The following SUPV3L1 variants were observed in gnomAD, a reference collection of about 807,000 sequenced individuals.
SUPV3L1 encodes ATP-dependent RNA helicase SUPV3L1, mitochondrial.
Under a neutral mutation model 70.0 loss-of-function variants are expected in SUPV3L1, and 35 were observed. That is an observed-to-expected ratio of 0.50 (90% confidence interval 0.38 to 0.66). SUPV3L1 has a LOEUF of 0.66. SUPV3L1 is among the 30% of genes least tolerant of loss of function. The pLI, the probability that SUPV3L1 is intolerant of heterozygous loss-of-function variation, is 0.00. For missense variants in SUPV3L1, 777 were observed against 961.5 expected (o/e 0.81, Z 2.54); for synonymous variants, 364 against 341.9 (o/e 1.06, Z -0.71).
At chr10:69,200,036 G>T (rs796967541) in intron 10 of SUPV3L1, among the ~76,000 whole-genome samples, 1 of 151,398 alleles carries the variant, frequency 6.6e-6, no homozygotes, top group African/African-American at 2.4e-5. Context: ...GTAGAGACTT[G>T]GGTCTTGCTA....
chr10:69,195,398 T>A, intron 7 of SUPV3L1, 133 bp downstream of exon 7: 1 of 457,362 alleles, frequency 2.2e-6, no homozygotes, highest in Non-Finnish European at 3.8e-6. Context: ...GTAAACTAAG[T>A]ATGAGTTTTT....
At chr10:69,181,061 G>A (rs771679333) in intron 1 of SUPV3L1, among the ~76,000 whole-genome samples, 2 of 152,188 alleles carry the variant, frequency 1.3e-5, no homozygotes, top group Admixed American at 6.5e-5. Context: ...TAACGGTATC[G>A]TGGGGGAGGA....
rs746684659 is a variant in SUPV3L1 at position 69,208,779 on chromosome 10, C to G, written c.2105C>G (p.Thr702Ser). 1.2e-6 allele frequency: 2 copies of G among 1,614,160 alleles called. No individual in the cohort carries two copies. The highest frequency in any genetic ancestry group is 4.5e-5 in the East Asian group (2 of 44,886). The change falls in exon 15 of 15, where the codon ACC becomes AGC. Residue 702 changes from threonine (T) to serine (S), a missense_variant. Thr to Ser is a moderately conservative substitution (Grantham distance 58). Around this residue, in one of 2 missense-constraint regions of SUPV3L1, gnomAD observed 619 missense variants for 823.3 expected, o/e 0.75. Coordinates refer to ENST00000359655, the MANE Select transcript of SUPV3L1 (RefSeq NM_003171.5). Reference protein sequence around the residue: ...PSGSQSRLSGTLKSQARRTRG... With the variant: ...PSGSQSRLSGSLKSQARRTRG... ...GGGAGCCAGTCACGATTGTCAGGAA[C>G]CTTAAAGAGCCAAGCTAGAAGGACA...
chr10:69,187,661 C>G lies in SUPV3L1; in HGVS notation c.477C>G (p.Phe159Leu). 2 of 1,610,808 alleles carry G rather than the reference C, an allele frequency of 1.2e-6. No individual in the cohort carries two copies. The highest frequency in any genetic ancestry group is 1.3e-5 in the African/African-American group (1 of 74,882). The change falls in exon 4 of 15, where the codon TTC (phenylalanine) becomes TTG (leucine). Residue 159 changes from phenylalanine to leucine, a missense_variant. Phe to Leu is a conservative substitution (Grantham distance 22). Around this residue, in one of 2 missense-constraint regions of SUPV3L1, gnomAD observed 619 missense variants for 823.3 expected, o/e 0.75. Coordinates refer to ENST00000359655, the MANE Select transcript of SUPV3L1 (RefSeq NM_003171.5). ...CFGAAHADDL[F>L]PFFLRHAKQI... is the part of the protein sequence containing the mutation. ...TTCCAGCTCATGCGGATGATTTATT[C>G]CCATTTTTCTTGAGACATGCCAAAC...
At chr10:69,193,366 A>G (rs968381440) in intron 6 of SUPV3L1, 6 of 152,136 alleles carry the variant, frequency 3.9e-5, no homozygotes, top group Non-Finnish European at 8.8e-5. Context: ...AATATATTGT[A>G]CAGTTGCACA....
chr10:69,208,461 G>A, intron 14 of SUPV3L1, 139 bp from the exon 15 acceptor site: 1 of 936,878 alleles, frequency 1.1e-6, no homozygotes, highest in Non-Finnish European at 1.6e-6. Context: ...AGAAATCAAG[G>A]TTGAGCAAAG....
intron 2 of SUPV3L1, 73 bp downstream of exon 2, chr10:69,186,137 C>A: frequency 2.3e-6 from 3 of 1,305,818 alleles, no homozygotes; most frequent in Non-Finnish European, 3.3e-6. Context: ...ACTGTACGAC[C>A]CCTCATGTGA....
chr10:69,191,673 G>C lies in SUPV3L1; in HGVS notation c.760G>C (p.Val254Leu). The change falls in exon 6 of 15, where the codon GTG becomes CTG. Residue 254 changes from valine to leucine, a missense_variant. By Grantham distance (32) the Val-to-Leu change is conservative. This residue lies in a region of SUPV3L1 where 619 missense variants were observed against 823.3 expected (regional missense o/e 0.75). Coordinates refer to ENST00000359655, the MANE Select transcript of SUPV3L1 (RefSeq NM_003171.5). Reference protein sequence around the residue: ...SNAAGVPCDLVTGEERVTVQP... With the variant: ...SNAAGVPCDLLTGEERVTVQP... ...TTTCTAGGGTGTGCCATGTGACTTG[G>C]TGACAGGTGAAGAGCGTGTGACAGT... is the stretch of plus-strand genomic sequence containing the variant. 6.2e-7 allele frequency: 1 copy of C among 1,614,042 alleles called. No individual in the cohort carries two copies. Among genetic ancestry groups the C allele is most frequent in the African/African-American group, 1.3e-5 (1 of 75,006 alleles).
chr10:69,181,263 G>A (rs1842050163), intron 1 of SUPV3L1, among the ~76,000 whole-genome samples: 1 of 152,142 alleles, frequency 6.6e-6, no homozygotes, highest in African/African-American at 2.4e-5. Context: ...GGTGAGTTTC[G>A]GGATGATTAG....
At position 69,186,082 on chromosome 10, in the gene SUPV3L1, T is replaced by G. The variant is rs780393139; in HGVS notation, c.349+18T>G. 20 of 1,606,290 alleles carry G rather than the reference T, an allele frequency of 1.2e-5. No individual in the cohort carries two copies. The highest frequency in any genetic ancestry group is 2.2e-5 in the South Asian group (2 of 90,620). On this transcript the variant is annotated intron_variant, in intron 2 of 14. Coordinates refer to ENST00000359655, the MANE Select transcript of SUPV3L1 (RefSeq NM_003171.5). ...ACTTGATGGTAAGGCCCAAAACATC[T>G]TCATAGAGGTATTTTATTACCTCTT...
At chr10:69,202,710 T>G (rs1335940337) in intron 12 of SUPV3L1, among the ~76,000 whole-genome samples, 157 bp from the exon 13 acceptor site, 1 of 152,228 alleles carries the variant, frequency 6.6e-6, no homozygotes, top group African/African-American at 2.4e-5. Context: ...TCTCAGTATT[T>G]CAGGTGGGGA....
At chr10:69,183,070 A>G (rs1033432147) in intron 1 of SUPV3L1, among the ~76,000 whole-genome samples, 4 of 152,090 alleles carry the variant, frequency 2.6e-5, no homozygotes, top group African/African-American at 9.7e-5. Flanking sequence ...CACACACCTC[A>G]CCTTAGCATG....
At chr10:69,200,760 C>T (rs934672085) in intron 11 of SUPV3L1, among the ~76,000 whole-genome samples, 8 of 152,128 alleles carry the variant, frequency 5.3e-5, no homozygotes, top group Admixed American at 3.9e-4. Flanking sequence ...TACTTCCTTC[C>T]GGAATCTAGC....
chr10:69,206,917 G>A (rs926558480), intron 13 of SUPV3L1, among the ~76,000 whole-genome samples: 5 of 152,184 alleles, frequency 3.3e-5, no homozygotes, highest in Admixed American at 3.3e-4. Context: ...TGAGGCAGGA[G>A]AATCACTTGA....
At chr10:69,182,948 C>CT (rs1842107175) in intron 1 of SUPV3L1, among the ~76,000 whole-genome samples, 1 of 152,138 alleles carries the variant, frequency 6.6e-6, no homozygotes, top group Non-Finnish European at 1.5e-5. Flanking sequence ...CTCTCTCTCC[C>CT]CTCACTAATT....
At chr10:69,190,429 C>CT (rs67423329) in intron 5 of SUPV3L1, among the ~76,000 whole-genome samples, 64 of 149,514 alleles carry the variant, frequency 4.3e-4, no homozygotes, top group East Asian at 1.6e-3. Context: ...TTTGCATTCT[C>CT]TTTTTTTTTT....
intron 6 of SUPV3L1, 82 bp from the exon 7 acceptor site, chr10:69,195,106 A>T (rs1842507164): frequency 1.8e-6 from 2 of 1,085,886 alleles, no homozygotes; most frequent in Non-Finnish European, 2.7e-6. Flanking sequence ...GGTGATGGTG[A>T]TGCTTGAATT....
Position 69,180,330 on chromosome 10 carries a change from G to T in SUPV3L1, c.39G>T (p.Pro13=). The T allele has an allele frequency of 8.7e-6, 14 of 1,613,952 alleles. No homozygotes were observed. The highest frequency in any genetic ancestry group is 1.2e-5 in the Non-Finnish European group (14 of 1,179,974). Residue 13 remains proline (P), a synonymous_variant, in exon 1 of 15, where the codon CCG becomes CCT. Transcript: ENST00000359655. Reference sequence around the variant, plus strand: ...GTGCCCTATTGTGGGCTCGGCTCCCGGCGGGGCGCCAGGCTGGCCACCGGG... The same window carrying T: ...GTGCCCTATTGTGGGCTCGGCTCCCTGCGGGGCGCCAGGCTGGCCACCGGG... ...FSRALLWARL[P]AGRQAGHRAA...
At chr10:69,184,443 G>C (rs1276163491) in intron 1 of SUPV3L1, among the ~76,000 whole-genome samples, 1 of 152,174 alleles carries the variant, frequency 6.6e-6, no homozygotes, top group Non-Finnish European at 1.5e-5. Context: ...GCTGAGGCAG[G>C]AGAATCTCTT....
Sources: allele counts gnomAD v4.1 joint callset (sites outside exome capture counted in the v4.1 genomes callset), GRCh38; gene constraint gnomAD v4.1.1; regional missense constraint gnomAD v4.1.1; transcripts MANE v1.5; gene names NCBI Gene and HGNC (gene_info 2026-07-23, HGNC 2026-07-21).